Variants in SAMMSON observed in about 807,000 individuals in gnomAD.
SAMMSON encodes long intergenic non-protein coding RNA 1212.
chr3:70,024,656 G>A (rs1023905149), intron 3 of SAMMSON, among the ~76,000 whole-genome samples: 8 of 152,192 alleles, frequency 5.3e-5, no homozygotes, highest in Non-Finnish European at 7.3e-5. Flanking sequence ...CATGGAAGAG[G>A]CAAAGGAAAG....
intron 2 of SAMMSON, among the ~76,000 whole-genome samples, chr3:70,427,078 C>G (rs1701376311): frequency 6.6e-6 from 1 of 152,200 alleles, no homozygotes; most frequent in Non-Finnish European, 1.5e-5. Context: ...AATCTGCCCT[C>G]AGTTTAAGAC....
At chr3:70,100,178 G>C (rs907128672) in intron 4 of SAMMSON, among the ~76,000 whole-genome samples, 2 of 151,942 alleles carry the variant, frequency 1.3e-5, no homozygotes, top group African/African-American at 4.8e-5. Flanking sequence ...ACAGGGTGTT[G>C]CTCTATCACT....
intron 2 of SAMMSON, among the ~76,000 whole-genome samples, chr3:70,428,286 G>A (rs1000716219): frequency 6.6e-6 from 1 of 152,030 alleles, no homozygotes; most frequent in Non-Finnish European, 1.5e-5. Flanking sequence ...GCCTAGAATA[G>A]CCAAAAAAAT....
At chr3:70,125,662 T>G in intron 4 of SAMMSON, 4 of 699,728 alleles carry the variant, frequency 5.7e-6, no homozygotes, top group Non-Finnish European at 1.0e-5. Flanking sequence ...TTCAATTCTT[T>G]TATTACCTAC....
At position 70,068,342 on chromosome 3, in the gene SAMMSON, G is replaced by A. The variant is rs190260089; in HGVS notation, n.418-3134G>A. On this transcript the variant is annotated intron_variant and non_coding_transcript_variant, in intron 3 of 9. Coordinates refer to ENST00000642114, the Ensembl canonical transcript of SAMMSON. ...GACTGAGACTCCCTGAAGCCTGCAA[G>A]GGAAACGAAGATACCGCGGCAGAGG... is the stretch of plus-strand genomic sequence containing the variant. 5.3e-5 allele frequency: 8 copies of A among 152,152 alleles called. No homozygotes were observed. In the East Asian group the frequency reaches 1.6e-3, roughly 30 times the overall value. 9.4% of individuals were successfully genotyped at this position (152,152 alleles called of 1,614,324 possible).
chr3:70,177,985 T>C (rs936502354), intron 4 of SAMMSON, among the ~76,000 whole-genome samples: 3 of 152,136 alleles, frequency 2.0e-5, no homozygotes, highest in African/African-American at 7.2e-5. Context: ...GCTGGGAAAA[T>C]GTATGGTGTA....
intron 4 of SAMMSON, among the ~76,000 whole-genome samples, chr3:70,207,379 C>A (rs1313149632): frequency 6.6e-6 from 1 of 152,046 alleles, no homozygotes; most frequent in Admixed American, 6.6e-5. Flanking sequence ...GCCTGTATGG[C>A]TTTGGGGATA....
chr3:70,231,450 A>G (rs1429186138), intron 4 of SAMMSON, among the ~76,000 whole-genome samples: 1 of 152,210 alleles, frequency 6.6e-6, no homozygotes. Flanking sequence ...TGAAAGCTCT[A>G]AAAGAGCTCC....
chr3:70,054,518 A>T (rs2067160138), intron 3 of SAMMSON, among the ~76,000 whole-genome samples: 1 of 152,002 alleles, frequency 6.6e-6, no homozygotes, highest in Non-Finnish European at 1.5e-5. Flanking sequence ...TTCAAATCTG[A>T]CCATTTGTCT....
At chr3:70,106,074 C>A (rs1177993540) in intron 4 of SAMMSON, among the ~76,000 whole-genome samples, 3 of 152,238 alleles carry the variant, frequency 2.0e-5, no homozygotes, top group East Asian at 3.9e-4. Flanking sequence ...TATTTTAATT[C>A]CTTTTAATTC....
At chr3:70,185,139 G>T (rs1171231283) in intron 4 of SAMMSON, among the ~76,000 whole-genome samples, 1 of 152,094 alleles carries the variant, frequency 6.6e-6, no homozygotes, top group Non-Finnish European at 1.5e-5. Flanking sequence ...ATTTTTTGCA[G>T]TCTTGATCTT....
chr3:70,363,800 C>CTG (rs10542257), intron 9 of SAMMSON, among the ~76,000 whole-genome samples: 2,157 of 146,802 alleles, frequency 0.015, 24 homozygotes, highest in African/African-American at 0.03. Flanking sequence ...ATTGCATTGT[C>CTG]TGTGTGTGTG....
chr3:70,056,348 T>C (rs1224111963), intron 3 of SAMMSON, among the ~76,000 whole-genome samples: 1 of 152,042 alleles, frequency 6.6e-6, no homozygotes, highest in African/African-American at 2.4e-5. Flanking sequence ...AGTCTTTTCA[T>C]AAATAAATGA....
At chr3:70,213,959 T>C (rs1029379475) in intron 4 of SAMMSON, among the ~76,000 whole-genome samples, 2 of 152,080 alleles carry the variant, frequency 1.3e-5, no homozygotes, top group African/African-American at 2.4e-5. Flanking sequence ...TAAAAGGTGA[T>C]TGATACCCAA....
At chr3:70,302,208 G>A (rs963603984) in intron 7 of SAMMSON, among the ~76,000 whole-genome samples, 2 of 152,086 alleles carry the variant, frequency 1.3e-5, no homozygotes, top group Admixed American at 6.6e-5. Context: ...AATGATTTAT[G>A]CCTGTAGAGT....
At chr3:70,122,094 G>A (rs988866394) in intron 4 of SAMMSON, among the ~76,000 whole-genome samples, 1 of 152,136 alleles carries the variant, frequency 6.6e-6, no homozygotes, top group African/African-American at 2.4e-5. Flanking sequence ...TTAATAATAA[G>A]AGGTAAAAAG....
At chr3:70,378,751 A>T (rs1703040844) in intron 9 of SAMMSON, among the ~76,000 whole-genome samples, 1 of 152,094 alleles carries the variant, frequency 6.6e-6, no homozygotes, top group Admixed American at 6.5e-5. Flanking sequence ...ACACATTGGT[A>T]CAAGTATGAA....
chr3:70,429,324 T>C (rs897521793), intron 2 of SAMMSON, among the ~76,000 whole-genome samples: 2 of 152,214 alleles, frequency 1.3e-5, no homozygotes, highest in African/African-American at 4.8e-5. Flanking sequence ...CATTGGTCTA[T>C]ATATCTGTTT....
At chr3:70,357,847 G>A (rs943769406) in intron 8 of SAMMSON, among the ~76,000 whole-genome samples, 3 of 152,134 alleles carry the variant, frequency 2.0e-5, no homozygotes, top group Admixed American at 2.0e-4. Flanking sequence ...TATTTTAAAA[G>A]TAAAGAGTAT....
Sources: allele counts gnomAD v4.1 joint callset (sites outside exome capture counted in the v4.1 genomes callset), GRCh38; gene constraint gnomAD v4.1.1; transcripts MANE v1.5; gene names NCBI Gene and HGNC (gene_info 2026-07-23, HGNC 2026-07-21).